PRKAG2: variants seen among roughly 807,000 people sequenced by gnomAD.
PRKAG2 encodes protein kinase AMP-activated non-catalytic subunit gamma 2, also known as 5'-AMP-activated protein kinase subunit gamma-2.
A neutral mutation model predicts 69.6 loss-of-function variants in PRKAG2; 26 were observed. The ratio of observed to expected loss-of-function variants is 0.37; its 90% CI spans 0.27 to 0.52. The LOEUF is 0.52. Ranked by LOEUF, PRKAG2 falls within the 20% of genes least tolerant of loss-of-function variation. The pLI, the probability that PRKAG2 is intolerant of heterozygous loss-of-function variation, is 0.90. For missense variants in PRKAG2, 557 were observed against 740.0 expected (o/e 0.75, Z 2.87); for synonymous variants, 293 against 285.0 (o/e 1.03, Z -0.28).
intron 4 of PRKAG2, among the ~76,000 whole-genome samples, chr7:151,658,926 G>A (rs1352115693): frequency 6.6e-6 from 1 of 152,194 alleles, no homozygotes; most frequent in Non-Finnish European, 1.5e-5. Flanking sequence ...GTCAGAATGT[G>A]ATTCAGTAAG....
chr7:151,559,581 A>G (rs1804473209), intron 15 of PRKAG2: 3 of 985,238 alleles, frequency 3.0e-6, no homozygotes, highest in African/African-American at 3.5e-5. Flanking sequence ...TGGTGTTCTC[A>G]TTTAGCGAAT....
At chr7:151,701,249 A>C (rs115234454) in intron 3 of PRKAG2, among the ~76,000 whole-genome samples, 2,253 of 152,334 alleles carry the variant, frequency 0.015, 57 homozygotes, top group African/African-American at 0.05. Flanking sequence ...TGTGCTGTCC[A>C]AGAGGCAGCC....
intron 3 of PRKAG2, chr7:151,736,377 C>A: frequency 4.1e-6 from 4 of 969,514 alleles, no homozygotes; most frequent in Non-Finnish European, 3.6e-6. Context: ...CTGATACTCT[C>A]CAGGGCTTTT....
At chr7:151,782,368 G>A (rs1488240116) in intron 2 of PRKAG2, among the ~76,000 whole-genome samples, 38 of 39,980 alleles carry the variant, frequency 9.5e-4, no homozygotes, top group Non-Finnish European at 1.6e-3. Context: ...AGGGAGGGAG[G>A]GAGGGAAGGA....
At chr7:151,759,161 C>T (rs1373866285) in intron 3 of PRKAG2, among the ~76,000 whole-genome samples, 1 of 152,162 alleles carries the variant, frequency 6.6e-6, no homozygotes, top group Admixed American at 6.5e-5. Flanking sequence ...GCCACATTGA[C>T]CAGCTCCCTG....
chr7:151,687,692 C>A (rs757482332), intron 3 of PRKAG2, among the ~76,000 whole-genome samples: 54 of 152,336 alleles, frequency 3.5e-4, no homozygotes, highest in Non-Finnish European at 5.7e-4. Context: ...ATCTACCCCC[C>A]ACCCCAGAAG....
intron 1 of PRKAG2, among the ~76,000 whole-genome samples, chr7:151,872,880 C>T (rs2080252203): frequency 6.6e-6 from 1 of 152,246 alleles, no homozygotes; most frequent in South Asian, 2.1e-4. Context: ...AGCTTCTTCA[C>T]GCCTTCAGGA....
At chr7:151,811,832 G>A (rs373702471) in intron 1 of PRKAG2, among the ~76,000 whole-genome samples, 5 of 152,172 alleles carry the variant, frequency 3.3e-5, no homozygotes, top group Non-Finnish European at 5.9e-5. Context: ...TTTCACTACC[G>A]GACATTCACC....
chr7:151,579,085 T>C (rs1436302403), intron 6 of PRKAG2, among the ~76,000 whole-genome samples: 2 of 152,162 alleles, frequency 1.3e-5, no homozygotes, highest in Non-Finnish European at 2.9e-5. Context: ...GGCTCATTGT[T>C]TCCTCACTGC....
intron 1 of PRKAG2, among the ~76,000 whole-genome samples, chr7:151,838,506 G>A (rs951200861): frequency 1.3e-5 from 2 of 151,614 alleles, no homozygotes; most frequent in African/African-American, 4.8e-5. Context: ...CCAGGGGTTG[G>A]AGATCACCCT....
chr7:151,760,750 G>A (rs79968665), intron 3 of PRKAG2, among the ~76,000 whole-genome samples: 2,733 of 152,212 alleles, frequency 0.018, 108 homozygotes, highest in African/African-American at 0.061. Context: ...CCTTGACAAC[G>A]TGGGGGCAGT....
At chr7:151,796,768 C>T (rs957423035) in intron 1 of PRKAG2, among the ~76,000 whole-genome samples, 1 of 152,110 alleles carries the variant, frequency 6.6e-6, no homozygotes, top group Non-Finnish European at 1.5e-5. Context: ...GCGTAAATGA[C>T]TGAGGACGGC....
intron 3 of PRKAG2, among the ~76,000 whole-genome samples, chr7:151,705,851 T>C (rs944186082): frequency 3.9e-5 from 6 of 152,128 alleles, no homozygotes; most frequent in African/African-American, 1.4e-4. Flanking sequence ...TCTTAGCCGA[T>C]CTCATCTCAC....
At chr7:151,829,361 A>G (rs1030111319) in intron 1 of PRKAG2, among the ~76,000 whole-genome samples, 1 of 152,210 alleles carries the variant, frequency 6.6e-6, no homozygotes, top group African/African-American at 2.4e-5. Flanking sequence ...AAGAGAGACA[A>G]TTACAAGTGT....
chr7:151,663,094 A>T (rs1585587704), intron 4 of PRKAG2, among the ~76,000 whole-genome samples: 1 of 152,262 alleles, frequency 6.6e-6, no homozygotes, highest in South Asian at 2.1e-4. Flanking sequence ...ACAAAACAAA[A>T]AAACGACACA....
chr7:151,582,548 T>C (rs1023081421), intron 6 of PRKAG2, among the ~76,000 whole-genome samples: 4 of 152,198 alleles, frequency 2.6e-5, no homozygotes, highest in Admixed American at 6.5e-5. Context: ...GTATCTCTTC[T>C]GCAACAGAAG....
intron 3 of PRKAG2, among the ~76,000 whole-genome samples, chr7:151,712,056 T>A (rs1488589186): frequency 1.3e-5 from 2 of 152,224 alleles, no homozygotes; most frequent in Non-Finnish European, 2.9e-5. Flanking sequence ...AGGGTGTGAC[T>A]GCCCGGAGGC....
chr7:151,871,782 G>A (rs1164665205), intron 1 of PRKAG2, among the ~76,000 whole-genome samples: 1 of 152,140 alleles, frequency 6.6e-6, no homozygotes, highest in African/African-American at 2.4e-5. Context: ...ATCAGAGCCC[G>A]AGAGAGGAGG....
At chr7:151,841,551 AGGGAT>A (rs2079286185) in intron 1 of PRKAG2, among the ~76,000 whole-genome samples, 1 of 148,762 alleles carries the variant, frequency 6.7e-6, no homozygotes. Context: ...GATAGTAGGT[AGGGAT>A]GGTAGTGATG....
Sources: allele counts gnomAD v4.1 joint callset (sites outside exome capture counted in the v4.1 genomes callset), GRCh38; gene constraint gnomAD v4.1.1; transcripts MANE v1.5; gene names NCBI Gene and HGNC (gene_info 2026-07-23, HGNC 2026-07-21).